MGST1: variants seen among roughly 807,000 people sequenced by gnomAD.
MGST1 encodes the protein microsomal glutathione S-transferase 1, also known as glutathione S-transferase 12.
Under a neutral mutation model 8.9 loss-of-function variants are expected in MGST1, and 5 were observed. That is an observed-to-expected ratio of 0.56 (90% CI 0.29 to 1.19). The LOEUF (loss-of-function observed/expected upper bound fraction) is 1.19, where lower values mean the gene tolerates loss of function less well. Among genes scored for constraint, MGST1 ranks in the 50% most tolerant of loss-of-function variants. The probability of loss-of-function intolerance (pLI) is 0.08; values close to 1 mark genes in which losing one functional copy is unlikely to be tolerated. For missense variants in MGST1, 182 were observed against 187.4 expected (o/e 0.97, Z 0.17); for synonymous variants, 54 against 67.8 (o/e 0.80, Z 1.00).
downstream of MGST1, among the ~76,000 whole-genome samples, chr12:16,443,368 A>G (rs937599782): frequency 1.3e-5 from 2 of 151,826 alleles, no homozygotes; most frequent in Non-Finnish European, 2.9e-5. Context: ...GTTAGGTATA[A>G]GTCTAAAATC....
chr12:16,495,112 C>T (rs2137160679), intron 4 of MGST1, among the ~76,000 whole-genome samples: 1 of 152,210 alleles, frequency 6.6e-6, no homozygotes, highest in South Asian at 2.1e-4. Context: ...TTCCTAACAC[C>T]ATGTCCTACA....
intron 4 of MGST1, among the ~76,000 whole-genome samples, chr12:16,492,738 A>G (rs1407816997): frequency 6.6e-6 from 1 of 152,096 alleles, no homozygotes; most frequent in East Asian, 1.9e-4. Flanking sequence ...TGAACTTTAT[A>G]TTTATATGCC....
In MGST1 at chr12:16,363,882, C is replaced by T. The variant is rs1940111763; in HGVS notation, c.309C>T (p.Ala103=). 6.2e-7 allele frequency: 1 copy of T among 1,613,960 alleles called. No individual in the cohort carries two copies. The highest frequency in any genetic ancestry group is 1.6e-4 in the Middle Eastern group (1 of 6,062). ...TGAGTGGTCCCGACCCCTCTACAGCCATCCTGCACTTCAGACTATTTGTCG... is the reference window on the plus strand; with the variant it reads ...TGAGTGGTCCCGACCCCTCTACAGCTATCCTGCACTTCAGACTATTTGTCG... ...YSLSGPDPST[A]ILHFRLFVGA... Residue 103 remains alanine (A), a synonymous_variant, in exon 4 of 4, where the codon GCC becomes GCT. Coordinates refer to ENST00000396210, the MANE Select transcript of MGST1 (RefSeq NM_020300.5). This position sits in a 1 kb window ranked among gnomAD's most constrained non-coding sequence, Gnocchi z 4.6.
intron 1 of MGST1, among the ~76,000 whole-genome samples, chr12:16,422,192 A>G (rs966349399): frequency 2.0e-5 from 3 of 152,182 alleles, no homozygotes; most frequent in Admixed American, 6.5e-5. Context: ...TCTGTGGGAC[A>G]TGTGCTCTCT....
intron 1 of MGST1, among the ~76,000 whole-genome samples, chr12:16,427,968 A>G (rs969070367): frequency 6.6e-6 from 1 of 151,766 alleles, no homozygotes; most frequent in African/African-American, 2.4e-5. Context: ...GGCATTATAC[A>G]TTGTTTTTAT....
At position 16,587,017 on chromosome 12, in the gene MGST1, C is replaced by T. The variant is rs1943343083; in HGVS notation, n.483-2511C>T. ...ATTCTGTACTCCTCTAAAAATCCAA[C>T]ATATCTCGTCACATCTCATATTTGG... On this transcript the variant is annotated intron_variant and non_coding_transcript_variant, in intron 4 of 4. Transcript: ENST00000538857. This position sits in a 1 kb window ranked among gnomAD's most constrained non-coding sequence, Gnocchi z 4.3. 6.6e-6 allele frequency among the ~76,000 whole-genome samples: 1 copy of T among 152,180 alleles called. No individual in the cohort carries two copies. Among genetic ancestry groups the T allele is most frequent in the African/African-American group, 2.4e-5 (1 of 41,448 alleles).
At chr12:16,520,402 CTG>C (rs1442413015) in intron 4 of MGST1, among the ~76,000 whole-genome samples, 1 of 152,098 alleles carries the variant, frequency 6.6e-6, no homozygotes, top group Non-Finnish European at 1.5e-5. Context: ...AATATAATAA[CTG>C]TATGCACAGG....
At chr12:16,388,207 G>C (rs556981588) in intron 1 of MGST1, among the ~76,000 whole-genome samples, 1 of 151,840 alleles carries the variant, frequency 6.6e-6, no homozygotes, top group Non-Finnish European at 1.5e-5. Flanking sequence ...AATACTGTAG[G>C]CAATTGTAAC....
At chr12:16,489,791 G>A (rs1941426914) in intron 4 of MGST1, among the ~76,000 whole-genome samples, 1 of 152,076 alleles carries the variant, frequency 6.6e-6, no homozygotes, top group South Asian at 2.1e-4. Flanking sequence ...ACCAACTATG[G>A]TAGAATTGAA....
At chr12:16,439,651 T>C (rs1331173102), downstream of MGST1, among the ~76,000 whole-genome samples, 1 of 151,816 alleles carries the variant, frequency 6.6e-6, no homozygotes, top group Non-Finnish European at 1.5e-5. Context: ...TGAAAACTTC[T>C]GGAGTAACTT....
chr12:16,382,170 G>A (rs771520899), downstream of MGST1, among the ~76,000 whole-genome samples: 5 of 152,134 alleles, frequency 3.3e-5, no homozygotes, highest in South Asian at 2.1e-4. Context: ...GCTTTGTTCC[G>A]TTGCTGGTGA....
At chr12:16,407,713 A>T (rs1591719428) in intron 1 of MGST1, among the ~76,000 whole-genome samples, 1 of 152,152 alleles carries the variant, frequency 6.6e-6, no homozygotes, top group African/African-American at 2.4e-5. Flanking sequence ...GTACACATAC[A>T]CCATGGAATA....
In MGST1 at chr12:16,537,978, C is replaced by T. The variant is rs533178133; in HGVS notation, n.483-51550C>T. Among the ~76,000 whole-genome samples, 1 of 152,256 alleles carries T rather than the reference C, an allele frequency of 6.6e-6. No homozygotes were observed. The highest frequency in any genetic ancestry group is 1.9e-4 in the East Asian group (1 of 5,178). ...TTTCTGCAGCCAGCTTGAATTTCTT[C>T]TCAAAAAATGGGTTGTTCTTTTCTA... On this transcript the variant is annotated intron_variant and non_coding_transcript_variant, in intron 4 of 4. Transcript: ENST00000538857. This position sits in a 1 kb window ranked among gnomAD's most constrained non-coding sequence, Gnocchi z 4.6.
rs557258528 is a variant in MGST1, at chr12:16,389,737, G to A, written n.778+6133G>A. 6.6e-5 allele frequency among the ~76,000 whole-genome samples: 10 copies of A among 152,184 alleles called. No individual in the cohort carries two copies. In the East Asian group the frequency reaches 1.6e-3, roughly 24 times the overall value. Reference sequence around the variant, plus strand: ...TCATTGGGGTTTGAAGTATGAACACGTGTTTAGTGAGCAATATTGGAGTTT... The same window carrying A: ...TCATTGGGGTTTGAAGTATGAACACATGTTTAGTGAGCAATATTGGAGTTT... On this transcript the variant is annotated intron_variant and non_coding_transcript_variant, in intron 1 of 1. Transcript: ENST00000359720. The surrounding 1 kb of genome is among the most constrained non-coding windows in gnomAD (Gnocchi z 4.6).
At chr12:16,446,716 CTG>C in intron 4 of MGST1, among the ~76,000 whole-genome samples, 1 of 151,992 alleles carries the variant, frequency 6.6e-6, no homozygotes, top group East Asian at 2.0e-4. Flanking sequence ...ATCATCCACT[CTG>C]TGACATCCCC....
At chr12:16,487,732 C>T (rs534019354) in intron 4 of MGST1, among the ~76,000 whole-genome samples, 42 of 152,208 alleles carry the variant, frequency 2.8e-4, no homozygotes, top group Non-Finnish European at 5.9e-5. Flanking sequence ...ACTGCAGCCT[C>T]AAACTCCTGG....
intron 3 of MGST1, among the ~76,000 whole-genome samples, chr12:16,359,103 T>C: frequency 6.6e-6 from 1 of 152,130 alleles, no homozygotes; most frequent in Admixed American, 6.5e-5. Flanking sequence ...AAAATAGACT[T>C]GAGTAAGTGG....
At chr12:16,419,346 G>A (rs1374157989) in intron 1 of MGST1, among the ~76,000 whole-genome samples, 1 of 152,096 alleles carries the variant, frequency 6.6e-6, no homozygotes, top group African/African-American at 2.4e-5. Context: ...TGGCTCTAAG[G>A]AAAGTGTTGT....
intron 1 of MGST1, among the ~76,000 whole-genome samples, chr12:16,436,763 A>G (rs1206755204): frequency 1.3e-5 from 2 of 152,036 alleles, no homozygotes; most frequent in African/African-American, 4.8e-5. Context: ...AAGGCATAAA[A>G]AAGTTAACTA....
Sources: allele counts gnomAD v4.1 joint callset (sites outside exome capture counted in the v4.1 genomes callset), GRCh38; gene constraint gnomAD v4.1.1; non-coding constraint Gnocchi (gnomAD v3.1); transcripts MANE v1.5; gene names NCBI Gene and HGNC (gene_info 2026-07-23, HGNC 2026-07-21).